The following B3GNT2 variants were observed in gnomAD, a reference collection of about 807,000 sequenced individuals.
The protein encoded by B3GNT2 is N-acetyllactosaminide beta-1,3-N-acetylglucosaminyltransferase 2.
Under a neutral mutation model 27.6 loss-of-function variants are expected in B3GNT2, and 12 were observed. That is an observed-to-expected ratio of 0.44 (90% CI 0.28 to 0.71). The LOEUF is 0.71. B3GNT2 is among the 30% of genes least tolerant of loss of function. The pLI, the probability that B3GNT2 is intolerant of heterozygous loss-of-function variation, is 0.17. For missense variants in B3GNT2, 413 were observed against 488.5 expected (o/e 0.85, Z 1.46); for synonymous variants, 192 against 189.7 (o/e 1.01, Z -0.10).
intron 1 of B3GNT2, among the ~76,000 whole-genome samples, chr2:62,221,039 C>A (rs1674681240): frequency 6.6e-6 from 1 of 152,158 alleles, no homozygotes; most frequent in Non-Finnish European, 1.5e-5. Context: ...ATCCGTGGAG[C>A]CTTCATCAGG....
At chr2:62,197,859 C>T (rs992430800) in intron 1 of B3GNT2, among the ~76,000 whole-genome samples, 5 of 152,202 alleles carry the variant, frequency 3.3e-5, no homozygotes, top group African/African-American at 9.7e-5. Flanking sequence ...GCGGTCACTT[C>T]CCATTGTCCT....
At chr2:62,214,937 A>C (rs773334936) in intron 1 of B3GNT2, among the ~76,000 whole-genome samples, 1 of 152,186 alleles carries the variant, frequency 6.6e-6, no homozygotes, top group Non-Finnish European at 1.5e-5. Context: ...TCTTTAGTTT[A>C]CTAAAGGCAG....
At position 62,219,090 on chromosome 2, in the gene B3GNT2, T is replaced by C. The variant is rs567901390; in HGVS notation, c.-9-3122T>C. Among the ~76,000 whole-genome samples the C allele has an allele frequency of 2.2e-3, 340 of 152,322 alleles. 2 individuals carry two copies. The highest frequency in any genetic ancestry group is 3.1e-3 in the Non-Finnish European group (213 of 68,022). On this transcript the variant is annotated intron_variant, in intron 1 of 1. Coordinates refer to ENST00000301998, the MANE Select transcript of B3GNT2 (RefSeq NM_006577.6). ...CATGGCCTCTCCCATAATCTAGATG[T>C]ATAAACTTGTTAAATTATCTGGAGT... is the stretch of plus-strand genomic sequence containing the variant.
intron 1 of B3GNT2, among the ~76,000 whole-genome samples, chr2:62,207,386 T>C (rs1429897823): frequency 6.6e-6 from 1 of 152,116 alleles, no homozygotes; most frequent in Non-Finnish European, 1.5e-5. Context: ...GGTTTCATCA[T>C]TTGGTTAGAC....
intron 1 of B3GNT2, among the ~76,000 whole-genome samples, chr2:62,217,035 G>T (rs1457160289): frequency 6.6e-6 from 1 of 152,206 alleles, no homozygotes; most frequent in Non-Finnish European, 1.5e-5. Flanking sequence ...AGAGATGAGT[G>T]GGGGCTGCAT....
At chr2:62,204,917 C>G (rs768635997) in intron 1 of B3GNT2, among the ~76,000 whole-genome samples, 5 of 152,170 alleles carry the variant, frequency 3.3e-5, no homozygotes, top group African/African-American at 7.2e-5. Context: ...TTATTTTCAT[C>G]TCTACCCCAC....
At chr2:62,200,129 C>T (rs1250587233) in intron 1 of B3GNT2, among the ~76,000 whole-genome samples, 2 of 152,114 alleles carry the variant, frequency 1.3e-5, no homozygotes, top group African/African-American at 4.8e-5. Context: ...CAACCTCTGC[C>T]CACCAGCTTT....
intron 1 of B3GNT2, among the ~76,000 whole-genome samples, chr2:62,216,933 A>G (rs1674586825): frequency 6.6e-6 from 1 of 152,264 alleles, no homozygotes; most frequent in Non-Finnish European, 1.5e-5. Flanking sequence ...AACTAGAACT[A>G]GAAGGCCTGG....
chr2:62,218,035 G>T (rs745615609), intron 1 of B3GNT2, among the ~76,000 whole-genome samples: 1 of 152,180 alleles, frequency 6.6e-6, no homozygotes, highest in East Asian at 1.9e-4. Flanking sequence ...GTTTCACAGC[G>T]AGAGTTTATA....
Position 62,223,982 on chromosome 2 carries a change from G to C in B3GNT2, c.*568G>C, listed in dbSNP as rs1674776171. 6.0e-6 allele frequency: 1 copy of C among 167,176 alleles called. No homozygotes were observed. The allele number at this position is 167,176 out of a possible 1,614,324, so 10.4% of individuals were successfully genotyped here. A position where few individuals can be genotyped will look rare whatever the true frequency, so the allele number is the denominator to read the frequency against. Reference sequence around the variant, plus strand: ...TGCCACCCCAACAGTATTTTTGTGTGTTAATTAATTTTGCAAAATGAGAAT... The same window carrying C: ...TGCCACCCCAACAGTATTTTTGTGTCTTAATTAATTTTGCAAAATGAGAAT... On this transcript the variant is annotated 3_prime_UTR_variant, in exon 2 of 2. Transcript: ENST00000301998.
At chr2:62,206,720 A>G (rs1456407550) in intron 1 of B3GNT2, among the ~76,000 whole-genome samples, 1 of 152,144 alleles carries the variant, frequency 6.6e-6, no homozygotes, top group Non-Finnish European at 1.5e-5. Flanking sequence ...ATCTCTACAC[A>G]TGTCTACTCT....
chr2:62,200,556 T>A (rs562967870), intron 1 of B3GNT2, among the ~76,000 whole-genome samples: 1 of 152,176 alleles, frequency 6.6e-6, no homozygotes, highest in Non-Finnish European at 1.5e-5. Context: ...GTCCATAAGA[T>A]GAGGATTTTT....
intron 1 of B3GNT2, among the ~76,000 whole-genome samples, chr2:62,201,540 A>C (rs1193468447): frequency 6.6e-6 from 1 of 152,258 alleles, no homozygotes; most frequent in Non-Finnish European, 1.5e-5. Flanking sequence ...CAGCTCTTGT[A>C]ATCTTACCGT....
intron 1 of B3GNT2, among the ~76,000 whole-genome samples, chr2:62,219,106 T>C (rs1674632299): frequency 6.6e-6 from 1 of 152,194 alleles, no homozygotes; most frequent in South Asian, 2.1e-4. Context: ...CTTGTTAAAT[T>C]ATCTGGAGTC....
At position 62,211,366 on chromosome 2, in the gene B3GNT2, C is replaced by A. The variant is rs549370266; in HGVS notation, c.-9-10846C>A. Among the ~76,000 whole-genome samples the A allele has an allele frequency of 3.3e-5, 5 of 152,056 alleles. No homozygotes were observed. In the South Asian group the frequency reaches 1.0e-3, roughly 32 times the overall value. ...GTAAGACCCTGTCCCCCCCGTCCCC[C>A]CCAAAAAAATTTGATAAGGCAGACC... On this transcript the variant is annotated intron_variant, in intron 1 of 1. Transcript: ENST00000301998.
At chr2:62,200,024 C>A (rs1287182603) in intron 1 of B3GNT2, among the ~76,000 whole-genome samples, 1 of 152,192 alleles carries the variant, frequency 6.6e-6, no homozygotes, top group Non-Finnish European at 1.5e-5. Context: ...AATTACTTTG[C>A]TGCTGGAAAA....
At chr2:62,198,903 T>C (rs188990864) in intron 1 of B3GNT2, among the ~76,000 whole-genome samples, 287 of 152,266 alleles carry the variant, frequency 1.9e-3, no homozygotes, top group African/African-American at 6.5e-3. Context: ...AAAAGGTGAA[T>C]CTTCTGTTTC....
intron 1 of B3GNT2, among the ~76,000 whole-genome samples, chr2:62,204,074 C>T (rs367896232): frequency 9.2e-5 from 14 of 152,206 alleles, no homozygotes; most frequent in Middle Eastern, 3.4e-3. Flanking sequence ...TTGCCCAGGC[C>T]GGAGCGCAAT....
At position 62,222,670 on chromosome 2, in the gene B3GNT2, C is replaced by T; in HGVS notation, c.450C>T (p.Ser150=). 6.2e-7 allele frequency: 1 copy of T among 1,614,166 alleles called. No homozygotes were observed. Among genetic ancestry groups the T allele is most frequent in the Non-Finnish European group, 8.5e-7 (1 of 1,180,020 alleles). The change falls in exon 2 of 2, where the codon TCC becomes TCT. Residue 150 remains serine, a synonymous_variant. Transcript: ENST00000301998. This position sits in a 1 kb window ranked among gnomAD's most constrained non-coding sequence, Gnocchi z 4.2. ...KKPFLLLAIK[S]LTPHFARRQA... ...CTTTCTTGTTGCTGGCGATTAAGTC[C>T]CTCACTCCACATTTTGCCAGAAGGC... is the stretch of plus-strand genomic sequence containing the variant.
Sources: gnomAD v4.1 joint callset for allele counts (sites outside exome capture counted in the v4.1 genomes callset) on GRCh38, gnomAD v4.1.1 for gene constraint, Gnocchi (gnomAD v3.1) non-coding constraint, MANE v1.5 for transcripts, NCBI Gene and HGNC (gene_info 2026-07-23, HGNC 2026-07-21) for gene names.